Variants in ARL15 observed in about 807,000 individuals in gnomAD.
The protein encoded by ARL15 is ARF like GTPase 15, also known as ADP-ribosylation factor-like protein 15.
ARL15 carries 19 observed loss-of-function variants against 25.2 expected under a neutral mutation model. That is an observed-to-expected ratio of 0.75 (90% confidence interval 0.53 to 1.10). The LOEUF (loss-of-function observed/expected upper bound fraction) is 1.10. Ranked by LOEUF, ARL15 falls within the 50% of genes least tolerant of loss-of-function variation. The probability of loss-of-function intolerance (pLI) is 0.00; values close to 1 mark genes in which losing one functional copy is unlikely to be tolerated. For synonymous variants in ARL15, 94 were observed against 86.8 expected (o/e 1.08, Z -0.46); for missense variants, 220 against 246.0 (o/e 0.89, Z 0.71).
intron 4 of ARL15, among the ~76,000 whole-genome samples, chr5:53,978,681 G>A (rs1015003933): frequency 6.6e-6 from 1 of 150,398 alleles, no homozygotes; most frequent in Non-Finnish European, 1.5e-5. Flanking sequence ...GCAGGCAAGA[G>A]GTATGCTAAA....
At chr5:54,069,957 G>A (rs979820959) in intron 4 of ARL15, among the ~76,000 whole-genome samples, 1 of 143,588 alleles carries the variant, frequency 7.0e-6, no homozygotes, top group Non-Finnish European at 1.5e-5. Flanking sequence ...TTACAGGCGT[G>A]AGCCACCACA....
chr5:54,291,894 T>C (rs1758327056), intron 1 of ARL15, among the ~76,000 whole-genome samples: 1 of 152,186 alleles, frequency 6.6e-6, no homozygotes, highest in African/African-American at 2.4e-5. Flanking sequence ...TGGGCTCCCC[T>C]GGGGCTTGGG....
intron 4 of ARL15, among the ~76,000 whole-genome samples, chr5:53,997,642 T>C (rs981937937): frequency 6.6e-6 from 1 of 152,120 alleles, no homozygotes; most frequent in African/African-American, 2.4e-5. Flanking sequence ...GATTCTTCAG[T>C]GGGCATCCAG....
At chr5:54,293,035 C>T (rs1437167005) in intron 1 of ARL15, among the ~76,000 whole-genome samples, 1 of 152,214 alleles carries the variant, frequency 6.6e-6, no homozygotes, top group Non-Finnish European at 1.5e-5. Flanking sequence ...AAAATTTTAA[C>T]ACACACCACC....
intron 4 of ARL15, among the ~76,000 whole-genome samples, chr5:54,070,512 C>T (rs1205845683): frequency 6.6e-6 from 1 of 152,102 alleles, no homozygotes; most frequent in Non-Finnish European, 1.5e-5. Context: ...TGTGGCTCCT[C>T]CACCTTGGGC....
chr5:53,990,059 C>T (rs1431841567), intron 4 of ARL15, among the ~76,000 whole-genome samples: 2 of 151,888 alleles, frequency 1.3e-5, no homozygotes, highest in Non-Finnish European at 2.9e-5. Context: ...TGCAGTGAAA[C>T]CCATTGAAAA....
intron 4 of ARL15, among the ~76,000 whole-genome samples, chr5:53,962,313 G>A (rs1747397259): frequency 6.6e-6 from 1 of 151,844 alleles, no homozygotes; most frequent in Non-Finnish European, 1.5e-5. Context: ...CCATCTCTGG[G>A]GCTACCATGA....
At chr5:54,122,287 C>T (rs1044627247) in intron 3 of ARL15, among the ~76,000 whole-genome samples, 3 of 152,334 alleles carry the variant, frequency 2.0e-5, no homozygotes, top group African/African-American at 7.2e-5. Flanking sequence ...CAGACAAAAA[C>T]GCATGTTCTT....
intron 4 of ARL15, among the ~76,000 whole-genome samples, chr5:53,937,692 C>G (rs1172689489): frequency 6.6e-6 from 1 of 152,144 alleles, no homozygotes; most frequent in African/African-American, 2.4e-5. Flanking sequence ...CAGGCAGGCT[C>G]TACCACCTGG....
chr5:53,951,577 A>G (rs1746960579), intron 4 of ARL15: 1 of 470,488 alleles, frequency 2.1e-6, no homozygotes, highest in South Asian at 1.6e-5. Flanking sequence ...GATCTAGAGA[A>G]CACAAGAATA....
intron 4 of ARL15, among the ~76,000 whole-genome samples, chr5:53,897,503 C>T (rs989602304): frequency 1.3e-5 from 2 of 152,144 alleles, no homozygotes; most frequent in African/African-American, 4.8e-5. Context: ...TCGGGTTCTA[C>T]TTTTTGGCTA....
At chr5:54,212,671 C>T (rs1756077149) in intron 1 of ARL15, among the ~76,000 whole-genome samples, 1 of 152,108 alleles carries the variant, frequency 6.6e-6, no homozygotes, top group African/African-American at 2.4e-5. Context: ...ACTATTTTTT[C>T]TGTTTTCTCT....
intron 4 of ARL15, among the ~76,000 whole-genome samples, chr5:53,985,870 A>T (rs890003126): frequency 6.6e-6 from 1 of 152,140 alleles, no homozygotes; most frequent in Non-Finnish European, 1.5e-5. Flanking sequence ...CAACTTTAAC[A>T]TCCCCAAATC....
chr5:54,115,945 A>G (rs1330033531), intron 3 of ARL15, among the ~76,000 whole-genome samples: 2 of 152,180 alleles, frequency 1.3e-5, no homozygotes, highest in East Asian at 3.9e-4. Context: ...TGTACACCCG[A>G]TTTAGAGGGA....
At chr5:54,257,282 T>C (rs555468365) in intron 1 of ARL15, among the ~76,000 whole-genome samples, 5 of 152,128 alleles carry the variant, frequency 3.3e-5, no homozygotes, top group Non-Finnish European at 7.4e-5. Context: ...CATTTTACAA[T>C]AACTACAAAA....
chr5:54,273,604 C>G (rs914677615), intron 1 of ARL15, among the ~76,000 whole-genome samples: 2 of 152,160 alleles, frequency 1.3e-5, no homozygotes, highest in African/African-American at 4.8e-5. Context: ...CAAATTCTGC[C>G]TCAAAATCCT....
intron 1 of ARL15, among the ~76,000 whole-genome samples, chr5:54,221,572 C>A (rs895752975): frequency 6.6e-6 from 1 of 151,938 alleles, no homozygotes; most frequent in Non-Finnish European, 1.5e-5. Context: ...CACACACACA[C>A]TTCATACATA....
At chr5:54,002,526 G>A (rs549592675) in intron 4 of ARL15, among the ~76,000 whole-genome samples, 1 of 152,286 alleles carries the variant, frequency 6.6e-6, no homozygotes, top group South Asian at 2.1e-4. Flanking sequence ...ACACTGTGTT[G>A]AGATATTTTA....
intron 4 of ARL15, among the ~76,000 whole-genome samples, chr5:54,058,019 T>A (rs1561206362): frequency 6.6e-6 from 1 of 151,232 alleles, no homozygotes; most frequent in African/African-American, 2.4e-5. Context: ...TTTATTTATT[T>A]TTTTTGACAA....
Sources: allele counts gnomAD v4.1 joint callset (sites outside exome capture counted in the v4.1 genomes callset), GRCh38; gene constraint gnomAD v4.1.1; transcripts MANE v1.5; gene names NCBI Gene and HGNC (gene_info 2026-07-23, HGNC 2026-07-21).